The following PRKAR1A variants were observed in gnomAD, a reference collection of about 807,000 sequenced individuals.
PRKAR1A encodes protein kinase cAMP-dependent type I regulatory subunit alpha, also known as cAMP-dependent protein kinase type I-alpha regulatory subunit.
Under a neutral mutation model 52.0 loss-of-function variants are expected in PRKAR1A, and 3 were observed. That is an observed-to-expected ratio of 0.06 (90% CI 0.03 to 0.15). The LOEUF (loss-of-function observed/expected upper bound fraction) is 0.15. Among genes scored for constraint, PRKAR1A ranks in the 10% least tolerant of loss-of-function variants. The probability of loss-of-function intolerance (pLI) is 1.00; values close to 1 mark genes in which losing one functional copy is unlikely to be tolerated. For synonymous variants in PRKAR1A, 188 were observed against 168.4 expected (o/e 1.12, Z -0.90); for missense variants, 240 against 477.4 (o/e 0.50, Z 4.63).
chr17:68,525,915 A>G lies in PRKAR1A; in HGVS notation c.708+3A>G. On this transcript the variant is annotated splice_donor_region_variant and intron_variant, in intron 7 of 10. Transcript: ENST00000589228. The stretch of plus-strand genomic sequence containing the variant: ...ACAGCTATAGAAGAATCCTCATGGT[A>G]AGAGACCATGGTGTTTGAGAGTGTG... 1 of 1,613,668 alleles carries G rather than the reference A, an allele frequency of 6.2e-7. No individual in the cohort carries two copies. Among genetic ancestry groups the G allele is most frequent in the East Asian group, 2.2e-5 (1 of 44,872 alleles).
chr17:68,487,902 A>G, the PRKAR1A span, among the ~76,000 whole-genome samples: 1 of 152,172 alleles, frequency 6.6e-6, no homozygotes, highest in African/African-American at 2.4e-5. Context: ...CAGAGGCATA[A>G]CAGTGAACAA....
chr17:68,455,628 G>C, the PRKAR1A span, among the ~76,000 whole-genome samples: 1 of 152,172 alleles, frequency 6.6e-6, no homozygotes, highest in Non-Finnish European at 1.5e-5. Context: ...TTATAGGCAA[G>C]GCAAAGCTGC....
chr17:68,430,964 GTCTTTGGACAAACC>G, the PRKAR1A span, among the ~76,000 whole-genome samples: 1 of 152,152 alleles, frequency 6.6e-6, no homozygotes, highest in East Asian at 1.9e-4. Context: ...GGGCTAGGGG[GTCTTTGGACAAACC>G]TCTCTGGGCC....
At chr17:68,540,542 C>T (rs1241181937) in intron 11 of PRKAR1A, 4 of 507,308 alleles carry the variant, frequency 7.9e-6, no homozygotes, top group Admixed American at 2.3e-5. Context: ...TTCTTCCCTT[C>T]CTACCTGGTT....
In PRKAR1A at chr17:68,533,081, T is replaced by A. The variant is rs1443874279; in HGVS notation, c.*2632T>A. ...TGTGGCCTTGGAACTTTCCCAGACT[T>A]AATGGGGAAACATCATTTCTAGATT... On this transcript the variant is annotated 3_prime_UTR_variant, in exon 11 of 11. Coordinates refer to ENST00000589228, the MANE Select transcript of PRKAR1A (RefSeq NM_002734.5). The A allele has an allele frequency of 1.9e-6, 2 of 1,065,546 alleles. No individual in the cohort carries two copies. The highest frequency in any genetic ancestry group is 2.3e-6 in the Non-Finnish European group (2 of 879,544). The allele number at this position is 1,065,546 out of a possible 1,614,324, so 66.0% of individuals were successfully genotyped here.
the PRKAR1A span, among the ~76,000 whole-genome samples, chr17:68,489,625 A>G: frequency 4.0e-5 from 6 of 151,662 alleles, no homozygotes; most frequent in Admixed American, 4.0e-4. Flanking sequence ...ATCTCAGCTC[A>G]CTGCAACCTC....
At chr17:68,423,221 A>C in the PRKAR1A span, among the ~76,000 whole-genome samples, 1 of 152,180 alleles carries the variant, frequency 6.6e-6, no homozygotes, top group South Asian at 2.1e-4. The surrounding 1 kb of genome is among the most constrained non-coding windows in gnomAD (Gnocchi z 4.4). Flanking sequence ...TAGGCATGAC[A>C]ATTCAGAATA....
the PRKAR1A span, among the ~76,000 whole-genome samples, chr17:68,447,416 G>T: frequency 2.6e-5 from 4 of 152,032 alleles, no homozygotes; most frequent in Middle Eastern, 3.2e-3. Context: ...GGGTCTTGCT[G>T]TGTCACCTAG....
In PRKAR1A at chr17:68,540,905, T is replaced by C. The variant is rs776028847; in HGVS notation, c.974-10179T>C. 3.7e-6 allele frequency: 6 copies of C among 1,604,822 alleles called. No individual in the cohort carries two copies. In the Admixed American group the frequency reaches 8.4e-5, roughly 23 times the overall value. On this transcript the variant is annotated intron_variant, in intron 11 of 11. Transcript: ENST00000585981. ...GACATTGAGGAGCCGCTGGCTGTTGTTGTACGGGTAGATCTGTTTCACTGT... is the reference window on the plus strand; with the variant it reads ...GACATTGAGGAGCCGCTGGCTGTTGCTGTACGGGTAGATCTGTTTCACTGT...
At chr17:68,524,110 G>C (rs2085707078) in intron 5 of PRKAR1A, 33 bp downstream of exon 5, 1 of 1,607,962 alleles carries the variant, frequency 6.2e-7, no homozygotes, top group African/African-American at 1.3e-5. Flanking sequence ...ATATTGTTAC[G>C]GGAGAGGAGG....
chr17:68,541,115 G>T (rs1023954149), intron 11 of PRKAR1A: 1 of 1,031,734 alleles, frequency 9.7e-7, no homozygotes, highest in Non-Finnish European at 1.4e-6. Context: ...GGGCAAGGAC[G>T]CGTAAGGCTG....
At chr17:68,501,651 T>G in the PRKAR1A span, among the ~76,000 whole-genome samples, 1 of 152,254 alleles carries the variant, frequency 6.6e-6, no homozygotes, top group Admixed American at 6.5e-5. Flanking sequence ...GAGAGGGACA[T>G]CTCACTATCT....
upstream of PRKAR1A, among the ~76,000 whole-genome samples, chr17:68,507,707 T>TA (rs1036385371): frequency 1.8e-3 from 268 of 148,682 alleles, 2 homozygotes; most frequent in African/African-American, 5.9e-3. Flanking sequence ...CTTTTCACAT[T>TA]AAAAAAAAAA....
At position 68,530,469 on chromosome 17, in the gene PRKAR1A, C is replaced by G. The variant is rs1600496690; in HGVS notation, c.*20C>G. On this transcript the variant is annotated 3_prime_UTR_variant, in exon 11 of 11. Transcript: ENST00000589228. ...GTCTGAAATCTGCCTCCTGTGCCTCCCTTTTCTCCTCTCCCCAATCCATGC... is the reference window on the plus strand; with the variant it reads ...GTCTGAAATCTGCCTCCTGTGCCTCGCTTTTCTCCTCTCCCCAATCCATGC... The G allele has an allele frequency of 6.2e-7, 1 of 1,613,874 alleles. No individual in the cohort carries two copies. Among genetic ancestry groups the G allele is most frequent in the Non-Finnish European group, 8.5e-7 (1 of 1,179,910 alleles).
At chr17:68,523,634 A>G (rs1297670200) in intron 3 of PRKAR1A, 91 bp from the exon 4 acceptor site, 3 of 959,474 alleles carry the variant, frequency 3.1e-6, no homozygotes, top group Non-Finnish European at 5.1e-6. Flanking sequence ...AAATACCATA[A>G]TGTGGCTTGA....
At chr17:68,444,624 G>T in the PRKAR1A span, 10 of 1,569,706 alleles carry the variant, frequency 6.4e-6, no homozygotes, top group African/African-American at 1.2e-4. Flanking sequence ...CTACCGAACC[G>T]TTCCTTACAA....
chr17:68,478,957 A>G, the PRKAR1A span, among the ~76,000 whole-genome samples: 1 of 152,062 alleles, frequency 6.6e-6, no homozygotes, highest in Non-Finnish European at 1.5e-5. Context: ...CGAACTCCCA[A>G]CCTCAGGCCA....
At chr17:68,461,139 G>C in the PRKAR1A span, among the ~76,000 whole-genome samples, 4 of 114,886 alleles carry the variant, frequency 3.5e-5, no homozygotes, top group Non-Finnish European at 7.8e-5. The surrounding 1 kb of genome is among the most constrained non-coding windows in gnomAD (Gnocchi z 4.6). Flanking sequence ...ATAAGATTTT[G>C]GCCTTTCTCT....
the PRKAR1A span, among the ~76,000 whole-genome samples, chr17:68,468,637 T>C: frequency 5.9e-5 from 9 of 152,222 alleles, no homozygotes; most frequent in African/African-American, 1.9e-4. Context: ...TTTTCCTTAT[T>C]GATTGCAAAT....
Sources: allele counts gnomAD v4.1 joint callset (sites outside exome capture counted in the v4.1 genomes callset), GRCh38; gene constraint gnomAD v4.1.1; non-coding constraint Gnocchi (gnomAD v3.1); transcripts MANE v1.5; gene names NCBI Gene and HGNC (gene_info 2026-07-23, HGNC 2026-07-21).